Variants in GRM5 observed in about 807,000 individuals in gnomAD.
GRM5 encodes the protein metabotropic glutamate receptor 5.
Under a neutral mutation model 83.1 loss-of-function variants are expected in GRM5, and 19 were observed. The ratio of observed to expected loss-of-function variants is 0.23; its 90% CI spans 0.16 to 0.34. The LOEUF (loss-of-function observed/expected upper bound fraction) is 0.34, where lower values mean the gene tolerates loss of function less well. GRM5 is among the 10% of genes least tolerant of loss of function. The pLI is 1.00. For missense variants in GRM5, 1,160 were observed against 1,588.3 expected, an observed-to-expected ratio of 0.73 and a Z score of 4.58; for synonymous variants, 675 against 633.6, an observed-to-expected ratio of 1.07 and a Z score of -0.98.
intron 2 of GRM5, among the ~76,000 whole-genome samples, chr11:88,977,951 A>T (rs1433235525): frequency 6.6e-6 from 1 of 152,190 alleles, no homozygotes; most frequent in Non-Finnish European, 1.5e-5. Context: ...ATCTTGCACA[A>T]AATTGTTTTA....
intron 2 of GRM5, among the ~76,000 whole-genome samples, chr11:89,011,677 C>G (rs1940703835): frequency 6.6e-6 from 1 of 152,188 alleles, no homozygotes; most frequent in Non-Finnish European, 1.5e-5. Flanking sequence ...AAATTGATCT[C>G]TGCCACCACC....
At chr11:88,871,266 A>G (rs11021642) in intron 2 of GRM5, among the ~76,000 whole-genome samples, 3,836 of 151,620 alleles carry the variant, frequency 0.025, 172 homozygotes, top group African/African-American at 0.088. Context: ...AAGGTCAAAT[A>G]ACTATTAAAG....
At chr11:88,563,163 T>C (rs960187175) in intron 8 of GRM5, among the ~76,000 whole-genome samples, 1 of 152,198 alleles carries the variant, frequency 6.6e-6, no homozygotes, top group East Asian at 1.9e-4. Context: ...TACTAAACAC[T>C]TAATGCATAT....
intron 2 of GRM5, among the ~76,000 whole-genome samples, chr11:88,956,668 CG>C (rs1938625607): frequency 6.6e-6 from 1 of 152,060 alleles, no homozygotes; most frequent in Admixed American, 6.6e-5. Context: ...TAGCCGGGCG[CG>C]GTGGCGGGGG....
At chr11:88,945,259 A>T (rs917209163) in intron 2 of GRM5, among the ~76,000 whole-genome samples, 49 of 152,148 alleles carry the variant, frequency 3.2e-4, no homozygotes, top group African/African-American at 1.1e-3. Context: ...AAAACAAATG[A>T]AAAAACATTT....
chr11:89,033,446 C>A (rs1941311520), intron 2 of GRM5, among the ~76,000 whole-genome samples: 1 of 151,870 alleles, frequency 6.6e-6, no homozygotes, highest in Non-Finnish European at 1.5e-5. Flanking sequence ...ATTTCATTTG[C>A]CTATGATTAG....
intron 2 of GRM5, among the ~76,000 whole-genome samples, chr11:89,009,664 A>G (rs567230504): frequency 5.0e-4 from 76 of 152,096 alleles, no homozygotes; most frequent in Admixed American, 9.8e-4. Context: ...TGGGAGGCCG[A>G]GGCGGGCGGA....
At chr11:88,584,528 A>G (rs1268400141) in intron 7 of GRM5, among the ~76,000 whole-genome samples, 1 of 151,744 alleles carries the variant, frequency 6.6e-6, no homozygotes, top group Non-Finnish European at 1.5e-5. Flanking sequence ...CTGCCTCCTA[A>G]GTTTCCCAGG....
intron 4 of GRM5, among the ~76,000 whole-genome samples, chr11:88,636,062 G>C (rs920295313): frequency 6.6e-6 from 1 of 152,090 alleles, no homozygotes; most frequent in Admixed American, 6.6e-5. Context: ...TGCTTTTCTA[G>C]AAAGACAATT....
At chr11:88,863,116 T>C (rs1326844180) in intron 2 of GRM5, among the ~76,000 whole-genome samples, 2 of 152,020 alleles carry the variant, frequency 1.3e-5, no homozygotes, top group Admixed American at 6.6e-5. Flanking sequence ...AAATAACAGA[T>C]GCTGGTGAGG....
chr11:88,882,421 C>T (rs1052195945), intron 2 of GRM5, among the ~76,000 whole-genome samples: 2 of 147,874 alleles, frequency 1.4e-5, no homozygotes, highest in East Asian at 4.0e-4. Flanking sequence ...ATTAGCTGGG[C>T]GTGGTGGCAT....
chr11:88,997,183 T>C (rs1443956680), intron 2 of GRM5, among the ~76,000 whole-genome samples: 1 of 151,740 alleles, frequency 6.6e-6, no homozygotes, highest in Non-Finnish European at 1.5e-5. Context: ...AAAAATTAGC[T>C]GGGCTTTGTG....
intron 8 of GRM5, among the ~76,000 whole-genome samples, chr11:88,538,914 GT>G (rs1201062698): frequency 1.3e-5 from 2 of 152,228 alleles, no homozygotes; most frequent in African/African-American, 4.8e-5. Context: ...TGTGCCATTT[GT>G]TAAACCTAGT....
At chr11:88,621,937 T>G (rs746101298) in intron 4 of GRM5, among the ~76,000 whole-genome samples, 3 of 152,154 alleles carry the variant, frequency 2.0e-5, no homozygotes, top group African/African-American at 7.2e-5. Flanking sequence ...TACAAGAGAT[T>G]TGATTAGGGT....
chr11:88,649,561 C>T (rs901331345), intron 4 of GRM5, among the ~76,000 whole-genome samples: 3 of 146,974 alleles, frequency 2.0e-5, no homozygotes, highest in African/African-American at 7.5e-5. Flanking sequence ...GCTATATTGA[C>T]ACCGGGGAAA....
rs199556154 is a variant in GRM5 at position 89,047,567 on chromosome 11, C to A, written c.306G>T (p.Ser102=). The part of the protein sequence containing the change: ...GCEIRDSCWH[S]AVALEQSIEF... ...CAATGCTCTGCTCTAGGGCCACAGC[C>A]GAATGCCAGCAGGAGTCCCTTATCT... The change falls in exon 2 of 10, where the codon TCG becomes TCT. Residue 102 remains serine (S), a synonymous_variant. Coordinates refer to ENST00000305447, the MANE Select transcript of GRM5 (RefSeq NM_001143831.3). This position sits in a 1 kb window ranked among gnomAD's most constrained non-coding sequence, Gnocchi z 5.1. 2.5e-6 allele frequency: 4 copies of A among 1,614,112 alleles called. No individual in the cohort carries two copies. Among genetic ancestry groups the A allele is most frequent in the South Asian group, 1.1e-5 (1 of 91,080 alleles).
intron 7 of GRM5, among the ~76,000 whole-genome samples, chr11:88,586,987 C>T (rs1943328463): frequency 6.6e-6 from 1 of 152,182 alleles, no homozygotes; most frequent in Non-Finnish European, 1.5e-5. Context: ...TAACACTCTC[C>T]ATCATTTTAC....
At chr11:88,653,053 A>G in intron 4 of GRM5, 115 bp downstream of exon 4, 1 of 666,862 alleles carries the variant, frequency 1.5e-6, no homozygotes, top group South Asian at 1.9e-5. Flanking sequence ...TATCCACTCT[A>G]CTTATGTAAG....
intron 4 of GRM5, among the ~76,000 whole-genome samples, chr11:88,626,057 T>C (rs914496144): frequency 2.3e-4 from 35 of 152,246 alleles, no homozygotes; most frequent in African/African-American, 6.5e-4. Context: ...CACTAAACTT[T>C]CACAGACATA....
Sources: allele counts gnomAD v4.1 joint callset (sites outside exome capture counted in the v4.1 genomes callset), GRCh38; gene constraint gnomAD v4.1.1; non-coding constraint Gnocchi (gnomAD v3.1); transcripts MANE v1.5; gene names NCBI Gene and HGNC (gene_info 2026-07-23, HGNC 2026-07-21).